RRP9: variants seen among roughly 807,000 people sequenced by gnomAD.
RRP9 encodes ribosomal RNA processing 9, U3 small nucleolar RNA binding protein, also known as U3 small nucleolar RNA-interacting protein 2.
A neutral mutation model predicts 65.5 loss-of-function variants in RRP9; 35 were observed. The observed-to-expected ratio is 0.53, with a 90% CI of 0.41 to 0.71. The LOEUF (loss-of-function observed/expected upper bound fraction) is 0.71. Among genes scored for constraint, RRP9 ranks in the 30% least tolerant of loss-of-function variants. RRP9 has a pLI of 0.00. For missense variants in RRP9, 533 were observed against 633.6 expected (o/e 0.84, Z 1.70); for synonymous variants, 254 against 245.0 (o/e 1.04, Z -0.34).
rs905056176 is a variant in RRP9 at position 51,937,070 on chromosome 3, C to G, written c.517+122G>C. 1.2e-5 allele frequency: 16 copies of G among 1,306,774 alleles called. No homozygotes were observed. The highest frequency in any genetic ancestry group is 1.7e-5 in the Non-Finnish European group (16 of 936,988). 80.9% of individuals were successfully genotyped at this position (1,306,774 alleles called of 1,614,324 possible). On this transcript the variant is annotated intron_variant, in intron 6 of 14. Transcript: ENST00000232888. The surrounding 1 kb of genome is among the most constrained non-coding windows in gnomAD (Gnocchi z 5.0). ...CACCCAGAGAGCACTCCTAGGGCAGCAAACCTGCCTCCAGAGACTTCCCCA... is the reference window on the plus strand; with the variant it reads ...CACCCAGAGAGCACTCCTAGGGCAGGAAACCTGCCTCCAGAGACTTCCCCA...
Position 51,937,498 on chromosome 3 carries a change from GC to G in RRP9, c.390+46del. The G allele has an allele frequency of 6.2e-7, 1 of 1,613,066 alleles. No individual in the cohort carries two copies. The highest frequency in any genetic ancestry group is 8.5e-7 in the Non-Finnish European group (1 of 1,179,118). ...AAGTGTCCACCATGTTCCAAGTGGG[GC>G]CCCCAATTCCCTCCAACCTTATACC... On this transcript the variant is annotated intron_variant, in intron 5 of 14. Coordinates refer to ENST00000232888, the MANE Select transcript of RRP9 (RefSeq NM_004704.5). This position sits in a 1 kb window ranked among gnomAD's most constrained non-coding sequence, Gnocchi z 5.0.
At position 51,936,549 on chromosome 3, in the gene RRP9, A is replaced by G. The variant is rs1262347018; in HGVS notation, c.524T>C (p.Val175Ala). 6 of 1,613,570 alleles carry G rather than the reference A, an allele frequency of 3.7e-6. No individual in the cohort carries two copies. In the African/African-American group the frequency reaches 5.3e-5, roughly 14 times the overall value. ...CACATGCAGCTTCCGTCCACTCTCC[A>G]CGCTCCCTGCAGTTGGGGGTGGGGG... ...AKDCSIIKWS[V>A]ESGRKLHVIP... is the part of the protein sequence containing the mutation. The change falls in exon 7 of 15, where the codon GTG becomes GCG. Residue 175 changes from valine (V) to alanine (A), a missense_variant. Val to Ala is a moderately conservative substitution (Grantham distance 64). Around this residue, in one of 3 missense-constraint regions of RRP9, gnomAD observed 449 missense variants for 550.6 expected, o/e 0.82. Coordinates refer to ENST00000232888, the MANE Select transcript of RRP9 (RefSeq NM_004704.5).
At chr3:51,940,727 G>A (rs1462792660) in intron 2 of RRP9, among the ~76,000 whole-genome samples, 1 of 151,802 alleles carries the variant, frequency 6.6e-6, no homozygotes, top group Non-Finnish European at 1.5e-5. Flanking sequence ...TGCCCAGGCT[G>A]GTCTCAAACT....
At chr3:51,935,560 C>A in intron 9 of RRP9, 32 bp downstream of exon 9, 1 of 1,613,402 alleles carries the variant, frequency 6.2e-7, no homozygotes, top group Non-Finnish European at 8.5e-7. Flanking sequence ...CTCTCTCACA[C>A]CATCCACACA....
At chr3:51,941,616 C>A in intron 1 of RRP9, 125 bp from the exon 2 acceptor site, 1 of 1,132,030 alleles carries the variant, frequency 8.8e-7, no homozygotes, top group Non-Finnish European at 1.3e-6. Flanking sequence ...CCGGGTTAAG[C>A]GAACGGCTTT....
chr3:51,941,856 T>G lies in RRP9; in HGVS notation c.12A>C (p.Thr4=), dbSNP rs1348207014. Residue 4 remains threonine, a synonymous_variant, in exon 1 of 15, where the codon ACA becomes ACC. Coordinates refer to ENST00000232888, the MANE Select transcript of RRP9 (RefSeq NM_004704.5). Reference sequence around the variant, plus strand: ...GCTTTCCCCGCTTACGAGCAGCCGCTGTTGCCGACATGCTGCCCACCAGGC... The same window carrying G: ...GCTTTCCCCGCTTACGAGCAGCCGCGGTTGCCGACATGCTGCCCACCAGGC... MSA[T]AAARKRGKPA... The G allele has an allele frequency of 2.5e-6, 4 of 1,582,148 alleles. No homozygotes were observed. In the African/African-American group the frequency reaches 5.4e-5, roughly 21 times the overall value.
intron 13 of RRP9, 51 bp from the exon 14 acceptor site, chr3:51,933,832 C>T (rs757095230): frequency 1.9e-5 from 29 of 1,543,642 alleles, no homozygotes; most frequent in Non-Finnish European, 2.3e-5. Flanking sequence ...CCGCCACCAC[C>T]GTCCTCAGCA....
Position 51,933,573 on chromosome 3 carries a change from T to G in RRP9, c.1361A>C (p.Glu454Ala). 6.2e-7 allele frequency: 1 copy of G among 1,614,054 alleles called. No homozygotes were observed. Among genetic ancestry groups the G allele is most frequent in the Non-Finnish European group, 8.5e-7 (1 of 1,179,978 alleles). Residue 454 changes from glutamate (E) to alanine (A), a missense_variant, in exon 15 of 15, where the codon GAG becomes GCG. This residue lies in a region of RRP9 where 449 missense variants were observed against 550.6 expected (regional missense o/e 0.82). Coordinates refer to ENST00000232888, the MANE Select transcript of RRP9 (RefSeq NM_004704.5). ...GATGATGCAGACAGAATTCCGAGCCTCTTTGATTCTCCACCATCGGCCAAG... is the reference window on the plus strand; with the variant it reads ...GATGATGCAGACAGAATTCCGAGCCGCTTTGATTCTCCACCATCGGCCAAG... ...HRLGRWWRIK[E>A]ARNSVCIIPL...
intron 6 of RRP9, among the ~76,000 whole-genome samples, chr3:51,936,907 G>A (rs1051312214): frequency 6.6e-6 from 1 of 152,202 alleles, no homozygotes; most frequent in African/African-American, 2.4e-5. Context: ...TCCCAGGACT[G>A]CACAGCCTCA....
intron 6 of RRP9, 79 bp from the exon 7 acceptor site, chr3:51,936,634 GAA>G: frequency 6.8e-7 from 1 of 1,461,930 alleles, no homozygotes; most frequent in Non-Finnish European, 9.4e-7. Context: ...GGGCAGCATG[GAA>G]AAAAGAGCCA....
chr3:51,937,816 C>G lies in RRP9; in HGVS notation c.281-80G>C. The G allele has an allele frequency of 6.5e-7, 1 of 1,536,252 alleles. No homozygotes were observed. Among genetic ancestry groups the G allele is most frequent in the Non-Finnish European group, 9.0e-7 (1 of 1,117,264 alleles). ...CCATCCTGTCCCCATCCCACTGCCC[C>G]AGGGCTGGATAATGCAGGAAGCTCC... On this transcript the variant is annotated intron_variant, in intron 3 of 14. Transcript: ENST00000232888. The surrounding 1 kb of genome is among the most constrained non-coding windows in gnomAD (Gnocchi z 5.0).
rs762626053 is a variant in RRP9 at position 51,936,284 on chromosome 3, G to A, written c.708C>T (p.Thr236=). The change falls in exon 8 of 15, where the codon ACC becomes ACT. Residue 236 remains threonine (T), a synonymous_variant. Coordinates refer to ENST00000232888, the MANE Select transcript of RRP9 (RefSeq NM_004704.5). Reference sequence around the variant, plus strand: ...ACACTGCATCCCGGTGTCCTGTGAAGGTGTACAAGTGCTGGCAGCTCTGGG... The same window carrying A: ...ACACTGCATCCCGGTGTCCTGTGAAAGTGTACAAGTGCTGGCAGCTCTGGG... The part of the protein sequence containing the change: ...WEAQSCQHLY[T]FTGHRDAVSG... 6.2e-7 allele frequency: 1 copy of A among 1,614,052 alleles called. No homozygotes were observed. Among genetic ancestry groups the A allele is most frequent in the Non-Finnish European group, 8.5e-7 (1 of 1,180,030 alleles).
chr3:51,941,615 G>T, intron 1 of RRP9, 124 bp from the exon 2 acceptor site: 2 of 1,136,614 alleles, frequency 1.8e-6, no homozygotes, highest in Non-Finnish European at 2.6e-6. Context: ...CCCGGGTTAA[G>T]CGAACGGCTT....
rs1380019042 is a variant in RRP9, at chr3:51,935,653, T to G, written c.775A>C (p.Thr259Pro). The G allele has an allele frequency of 6.2e-7, 1 of 1,614,054 alleles. No individual in the cohort carries two copies. Among genetic ancestry groups the G allele is most frequent in the Non-Finnish European group, 8.5e-7 (1 of 1,180,040 alleles). Residue 259 changes from threonine (T) to proline (P), a missense_variant, in exon 9 of 15, where the codon ACA becomes CCA. Thr to Pro is a conservative substitution (Grantham distance 38). Around this residue, in one of 3 missense-constraint regions of RRP9, gnomAD observed 449 missense variants for 550.6 expected, o/e 0.82. Transcript: ENST00000232888. Reference protein sequence around the residue: ...FRRGTHQLYSTSHDRSVKVWN... With the variant: ...FRRGTHQLYSPSHDRSVKVWN... Reference sequence around the variant, plus strand: ...ACCTTCACGGAGCGATCGTGGGATGTGCTGTAGAGCTGGTGGGTGCCTCTG... The same window carrying G: ...ACCTTCACGGAGCGATCGTGGGATGGGCTGTAGAGCTGGTGGGTGCCTCTG...
rs753028299 is a variant in RRP9, at chr3:51,941,805, C to G, written c.63G>C (p.Ala21=). Residue 21 remains alanine, a synonymous_variant, in exon 1 of 15, where the codon GCG becomes GCC. Coordinates refer to ENST00000232888, the MANE Select transcript of RRP9 (RefSeq NM_004704.5). Reference sequence around the variant, plus strand: ...CCTTTCGCCGCCGCTTGCCGGCCCCCGCGCCAGCCCCGGCCCCAGAGGCCG... The same window carrying G: ...CCTTTCGCCGCCGCTTGCCGGCCCCGGCGCCAGCCCCGGCCCCAGAGGCCG... ...GKPASGAGAG[A]GAGKRRRKAD... 2 of 1,573,550 alleles carry G rather than the reference C, an allele frequency of 1.3e-6. No individual in the cohort carries two copies. The highest frequency in any genetic ancestry group is 2.7e-5 in the African/African-American group (2 of 73,986).
chr3:51,941,893 G>C lies in RRP9; in HGVS notation c.-26C>G. On this transcript the variant is annotated 5_prime_UTR_variant, in exon 1 of 15. Transcript: ENST00000232888. ...GCTGCCCACCAGGCGTGTAGCAGCG[G>C]CCGCAGAACTCACGTGGCAGCTGAA... 1 of 1,551,622 alleles carries C rather than the reference G, an allele frequency of 6.4e-7. No homozygotes were observed.
chr3:51,938,264 C>G, intron 2 of RRP9, 60 bp from the exon 3 acceptor site: 2 of 1,338,172 alleles, frequency 1.5e-6, no homozygotes, highest in South Asian at 2.6e-5. Flanking sequence ...CCGCTAGGAT[C>G]GTGCCTTCTG....
intron 2 of RRP9, among the ~76,000 whole-genome samples, chr3:51,940,368 G>A (rs1184790257): frequency 6.6e-6 from 1 of 152,116 alleles, no homozygotes; most frequent in Non-Finnish European, 1.5e-5. Context: ...GGATTCTCTG[G>A]TCCAAGAGCC....
At position 51,934,757 on chromosome 3, in the gene RRP9, G is replaced by C. The variant is rs1699433460; in HGVS notation, c.1054C>G (p.Leu352Val). The C allele has an allele frequency of 1.9e-6, 3 of 1,613,734 alleles. No individual in the cohort carries two copies. Among genetic ancestry groups the C allele is most frequent in the East Asian group, 2.2e-5 (1 of 44,894 alleles). Residue 352 changes from leucine (L) to valine (V), a missense_variant, in exon 12 of 15, where the codon CTC (leucine) becomes GTC (valine). Transcript: ENST00000232888. The surrounding 1 kb of genome is among the most constrained non-coding windows in gnomAD (Gnocchi z 4.1). Reference sequence around the variant, plus strand: ...AGGGCAAGTGGTCGCTTCTTGGAGAGACCCCACAAGGCCACAGAGCTATAA... The same window carrying C: ...AGGGCAAGTGGTCGCTTCTTGGAGACACCCCACAAGGCCACAGAGCTATAA... Reference protein sequence around the residue: ...ADDGSVALWGLSKKRPLALQR... With the variant: ...ADDGSVALWGVSKKRPLALQR...
Sources: allele counts gnomAD v4.1 joint callset (sites outside exome capture counted in the v4.1 genomes callset), GRCh38; gene constraint gnomAD v4.1.1; regional missense constraint gnomAD v4.1.1; non-coding constraint Gnocchi (gnomAD v3.1); transcripts MANE v1.5; gene names NCBI Gene and HGNC (gene_info 2026-07-23, HGNC 2026-07-21).